Variants in TTLL9 observed in about 807,000 individuals in gnomAD.
The protein encoded by TTLL9 is probable tubulin polyglutamylase TTLL9.
In TTLL9, 47 loss-of-function variants were observed where a neutral mutation model predicts 65.6. That is an observed-to-expected ratio of 0.72 (90% CI 0.57 to 0.91). TTLL9 has a LOEUF of 0.91. Ranked by LOEUF, TTLL9 falls within the 40% of genes least tolerant of loss-of-function variation. TTLL9 has a pLI of 0.00. For synonymous variants in TTLL9, 179 were observed against 204.8 expected (o/e 0.87, Z 1.07); for missense variants, 537 against 568.8 (o/e 0.94, Z 0.57).
At chr20:31,908,526 C>T in intron 4 of TTLL9, 65 bp from the exon 5 acceptor site, 1 of 1,168,832 alleles carries the variant, frequency 8.6e-7, no homozygotes, top group Non-Finnish European at 1.3e-6. Flanking sequence ...CAGCACCTCC[C>T]TGGGCCCTGC....
intron 8 of TTLL9, among the ~76,000 whole-genome samples, chr20:31,923,825 C>T (rs1224410438): frequency 6.6e-6 from 1 of 152,102 alleles, no homozygotes; most frequent in East Asian, 1.9e-4. Flanking sequence ...CTTCTCCTCT[C>T]TCCCCCACAG....
chr20:31,936,548 A>G (rs1419750242), intron 12 of TTLL9, among the ~76,000 whole-genome samples: 3 of 151,936 alleles, frequency 2.0e-5, no homozygotes, highest in Admixed American at 1.3e-4. Context: ...ACATTCCCAC[A>G]GGGCGGCACT....
At chr20:31,902,210 C>G (rs1011199967) in intron 4 of TTLL9, among the ~76,000 whole-genome samples, 4 of 152,144 alleles carry the variant, frequency 2.6e-5, no homozygotes, top group African/African-American at 9.7e-5. Context: ...AGCAGTCATT[C>G]CCATTTCTCC....
At chr20:31,879,759 A>C (rs551260908) in intron 2 of TTLL9, 1 of 1,503,218 alleles carries the variant, frequency 6.7e-7, no homozygotes, top group Admixed American at 2.0e-5. Flanking sequence ...CGCCGAGAGC[A>C]TGCCCTTGGC....
intron 4 of TTLL9, among the ~76,000 whole-genome samples, chr20:31,900,043 A>G (rs1334398252): frequency 1.3e-5 from 2 of 152,188 alleles, no homozygotes; most frequent in African/African-American, 4.8e-5. Flanking sequence ...TACAGGCGTG[A>G]GCCACTGTGC....
chr20:31,928,385 C>G (rs2063945491), intron 10 of TTLL9, among the ~76,000 whole-genome samples: 1 of 151,958 alleles, frequency 6.6e-6, no homozygotes, highest in Non-Finnish European at 1.5e-5. Flanking sequence ...CATGCATTTA[C>G]CATCCAGATT....
intron 2 of TTLL9, among the ~76,000 whole-genome samples, chr20:31,873,688 A>AGAG (rs1568721907): frequency 4.3e-3 from 122 of 28,376 alleles, no homozygotes; most frequent in African/African-American, 0.017. Flanking sequence ...GAGAGAGAGA[A>AGAG]AGAAAGAAAG....
Position 31,938,264 on chromosome 20 carries a change from G to T in TTLL9, c.1118+755G>T, listed in dbSNP as rs565113006. 7.2e-5 allele frequency: 33 copies of T among 455,640 alleles called. No homozygotes were observed. In the East Asian group the frequency reaches 2.0e-3, roughly 28 times the overall value. The allele number at this position is 455,640 out of a possible 1,614,324, so 28.2% of individuals were successfully genotyped here. On this transcript the variant is annotated intron_variant, in intron 13 of 14. Transcript: ENST00000535842. Reference sequence around the variant, plus strand: ...ACTCACTGTGACTCTGCTTGACCAGGTATAGTTCTTGTGCCCACCTCCTAG... The same window carrying T: ...ACTCACTGTGACTCTGCTTGACCAGTTATAGTTCTTGTGCCCACCTCCTAG...
chr20:31,888,194 G>C (rs2063227883), intron 3 of TTLL9, among the ~76,000 whole-genome samples: 1 of 152,054 alleles, frequency 6.6e-6, no homozygotes, highest in Admixed American at 6.6e-5. Flanking sequence ...AGATATTTTT[G>C]TTATTTCTAA....
In TTLL9 at chr20:31,870,862, C is replaced by T. The variant is rs751909762; in HGVS notation, c.-93C>T. ...CCGGGGGAAAGCACCCAACTTCTCCCGCCTCGGCTTCTAGCAGAAACGTGA... is the reference window on the plus strand; with the variant it reads ...CCGGGGGAAAGCACCCAACTTCTCCTGCCTCGGCTTCTAGCAGAAACGTGA... On this transcript the variant is annotated 5_prime_UTR_variant, in exon 1 of 15. Transcript: ENST00000535842. This position sits in a 1 kb window ranked among gnomAD's most constrained non-coding sequence, Gnocchi z 6.6. The T allele has an allele frequency of 3.7e-6, 2 of 544,468 alleles. No individual in the cohort carries two copies. The highest frequency in any genetic ancestry group is 2.7e-5 in the South Asian group (1 of 37,212). 33.7% of individuals were successfully genotyped at this position (544,468 alleles called of 1,614,324 possible). A position where few individuals can be genotyped will look rare whatever the true frequency, so the allele number is the denominator to read the frequency against.
chr20:31,934,687 C>T lies in TTLL9; in HGVS notation c.808-5C>T. On this transcript the variant is annotated splice_polypyrimidine_tract_variant and splice_region_variant and intron_variant, in intron 11 of 14. Coordinates refer to ENST00000535842, the MANE Select transcript of TTLL9 (RefSeq NM_001008409.5). Reference sequence around the variant, plus strand: ...CCTCTCTCGACCCGGCTGCCCGGGGCCCAGGGCTGCAAGTGGACGCTGCAG... The same window carrying T: ...CCTCTCTCGACCCGGCTGCCCGGGGTCCAGGGCTGCAAGTGGACGCTGCAG... 1 of 1,607,474 alleles carries T rather than the reference C, an allele frequency of 6.2e-7. No individual in the cohort carries two copies. Among genetic ancestry groups the T allele is most frequent in the Non-Finnish European group, 8.5e-7 (1 of 1,177,506 alleles).
chr20:31,908,742 A>T (rs1424203195), intron 5 of TTLL9, 40 bp downstream of exon 5: 1 of 1,483,300 alleles, frequency 6.7e-7, no homozygotes. Flanking sequence ...CAACCAACTC[A>T]TGTCACTGGG....
chr20:31,911,174 CA>C (rs568691106), intron 6 of TTLL9, among the ~76,000 whole-genome samples: 4 of 141,376 alleles, frequency 2.8e-5, no homozygotes, highest in Non-Finnish European at 3.1e-5. Flanking sequence ...GACTCCGTCT[CA>C]AAAAAAAAAG....
At chr20:31,891,312 A>G (rs1013783757) in intron 3 of TTLL9, among the ~76,000 whole-genome samples, 1 of 152,192 alleles carries the variant, frequency 6.6e-6, no homozygotes. Flanking sequence ...CCCCATCAGC[A>G]TTGTAAGATA....
At chr20:31,915,339 G>C (rs1335563311) in intron 6 of TTLL9, among the ~76,000 whole-genome samples, 1 of 152,148 alleles carries the variant, frequency 6.6e-6, no homozygotes, top group Non-Finnish European at 1.5e-5. Context: ...AAAATTGGCA[G>C]AGCGTGGTGG....
chr20:31,910,977 C>G (rs972558708), intron 6 of TTLL9, among the ~76,000 whole-genome samples: 5 of 152,114 alleles, frequency 3.3e-5, no homozygotes, highest in Non-Finnish European at 5.9e-5. Flanking sequence ...AGTTCGAGAC[C>G]AGCCTGGCCT....
At chr20:31,935,805 C>A (rs567359824) in intron 12 of TTLL9, among the ~76,000 whole-genome samples, 1 of 152,316 alleles carries the variant, frequency 6.6e-6, no homozygotes, top group African/African-American at 2.4e-5. Flanking sequence ...CAGTTAATCG[C>A]CACCTGGCCT....
rs1555799713 is a variant in TTLL9 at position 31,873,684 on chromosome 20, G to GAAAGAA, written c.69+2490_69+2491insAAGAAA. 8.0e-4 allele frequency among the ~76,000 whole-genome samples: 80 copies of GAAAGAA among 100,584 alleles called. 2 individuals are homozygous for GAAAGAA. In the East Asian group the frequency reaches 0.016, roughly 20 times the overall value. The allele number at this position is 100,584 out of a possible 152,430, so 66.0% of individuals were successfully genotyped here. On this transcript the variant is annotated intron_variant, in intron 2 of 14. Transcript: ENST00000535842. Reference sequence around the variant, plus strand: ...CAAAAGAAAGAAAGAAAGAGAGAGAGAGAAAGAAAGAAAGAAAGAAAGAAA... The same window carrying GAAAGAA: ...CAAAAGAAAGAAAGAAAGAGAGAGAGAAAGAAAGAAAGAAAGAAAGAAAGAAAGAAA...
intron 4 of TTLL9, among the ~76,000 whole-genome samples, chr20:31,901,821 C>G (rs2063484011): frequency 6.6e-6 from 1 of 152,142 alleles, no homozygotes; most frequent in Admixed American, 6.5e-5. Flanking sequence ...GCCTCATGGC[C>G]TCTACTGGAT....
Sources: gnomAD v4.1 joint callset for allele counts (sites outside exome capture counted in the v4.1 genomes callset) on GRCh38, gnomAD v4.1.1 for gene constraint, Gnocchi (gnomAD v3.1) non-coding constraint, MANE v1.5 for transcripts, NCBI Gene and HGNC (gene_info 2026-07-23, HGNC 2026-07-21) for gene names.